The following BCL9 variants were observed in gnomAD, a reference collection of about 807,000 sequenced individuals.
The protein encoded by BCL9 is B-cell CLL/lymphoma 9 protein.
Under a neutral mutation model 88.5 loss-of-function variants are expected in BCL9, and 25 were observed. The ratio of observed to expected loss-of-function variants is 0.28; its 90% CI spans 0.21 to 0.39. BCL9 has a LOEUF of 0.39. BCL9 is among the 10% of genes least tolerant of loss of function. BCL9 has a pLI of 1.00. For missense variants in BCL9, 1,817 were observed against 1,877.8 expected, an observed-to-expected ratio of 0.97 and a Z score of 0.60; for synonymous variants, 711 against 673.3, an observed-to-expected ratio of 1.06 and a Z score of -0.87.
chr1:147,582,594 T>C (rs1013305430), intron 1 of BCL9, among the ~76,000 whole-genome samples: 9 of 152,192 alleles, frequency 5.9e-5, no homozygotes, highest in Non-Finnish European at 1.3e-4. Flanking sequence ...GCCTATGAGC[T>C]AAGAATGGTT....
intron 1 of BCL9, among the ~76,000 whole-genome samples, chr1:147,584,156 T>C (rs1434195824): frequency 2.6e-5 from 4 of 151,872 alleles, no homozygotes; most frequent in African/African-American, 9.7e-5. Flanking sequence ...CAAGTGATTC[T>C]CCTGCCTCAG....
At position 147,619,832 on chromosome 1, in the gene BCL9, G is replaced by C. The variant is rs1296449689; in HGVS notation, c.1677G>C (p.Gln559His). ...CCCACCCCAACATGCCAGGGAGCCAGATGCGCCTCCCTGGATTTGCAGGCA... is the reference window on the plus strand; with the variant it reads ...CCCACCCCAACATGCCAGGGAGCCACATGCGCCTCCCTGGATTTGCAGGCA... ...MAPHPNMPGS[Q>H]MRLPGFAGMI... The change falls in exon 8 of 10, where the codon CAG (glutamine) becomes CAC (histidine). Residue 559 changes from glutamine (Q) to histidine (H), a missense_variant. Around this residue, in one of 2 missense-constraint regions of BCL9, gnomAD observed 1,228 missense variants for 1,191.6 expected, o/e 1.03. Transcript: ENST00000234739. The surrounding 1 kb of genome is among the most constrained non-coding windows in gnomAD (Gnocchi z 4.1). 1 of 1,614,198 alleles carries C rather than the reference G, an allele frequency of 6.2e-7. No individual in the cohort carries two copies. The highest frequency in any genetic ancestry group is 8.5e-7 in the Non-Finnish European group (1 of 1,180,036).
At chr1:147,547,808 TG>T (rs1654671676) in intron 1 of BCL9, among the ~76,000 whole-genome samples, 1 of 152,208 alleles carries the variant, frequency 6.6e-6, no homozygotes, top group Non-Finnish European at 1.5e-5. Flanking sequence ...AACCTAAGAA[TG>T]TACTCTGTAG....
At chr1:147,611,111 G>C (rs1657979333) in intron 3 of BCL9, among the ~76,000 whole-genome samples, 1 of 152,054 alleles carries the variant, frequency 6.6e-6, no homozygotes, top group African/African-American at 2.4e-5. Context: ...TTTGCATCAT[G>C]GTTTGAAATT....
At chr1:147,560,431 A>T (rs1258260977) in intron 1 of BCL9, among the ~76,000 whole-genome samples, 2 of 151,742 alleles carry the variant, frequency 1.3e-5, no homozygotes, top group African/African-American at 4.8e-5. Flanking sequence ...CTCTACTAAA[A>T]ATACAAAAAT....
intron 1 of BCL9, among the ~76,000 whole-genome samples, chr1:147,551,785 A>T (rs1468647692): frequency 6.6e-6 from 1 of 152,124 alleles, no homozygotes; most frequent in African/African-American, 2.4e-5. Flanking sequence ...GACTTTCCAG[A>T]CTCTAGCAAA....
chr1:147,579,966 G>A (rs1656288774), intron 1 of BCL9, among the ~76,000 whole-genome samples: 1 of 152,178 alleles, frequency 6.6e-6, no homozygotes, highest in South Asian at 2.1e-4. Context: ...CTCTTAGAAA[G>A]CAAAAACAAG....
At chr1:147,589,908 C>T (rs758909131) in intron 1 of BCL9, among the ~76,000 whole-genome samples, 83 of 152,268 alleles carry the variant, frequency 5.5e-4, no homozygotes, top group Non-Finnish European at 9.9e-4. Context: ...TAACAAACTG[C>T]TAAACTGTTT....
At chr1:147,571,594 G>T (rs1655890271) in intron 1 of BCL9, among the ~76,000 whole-genome samples, 1 of 152,062 alleles carries the variant, frequency 6.6e-6, no homozygotes, top group African/African-American at 2.4e-5. Flanking sequence ...TTCCTCAAAT[G>T]GTGAAAAAGC....
At chr1:147,584,301 C>T (rs918855986) in intron 1 of BCL9, among the ~76,000 whole-genome samples, 3 of 152,190 alleles carry the variant, frequency 2.0e-5, no homozygotes, top group Non-Finnish European at 4.4e-5. Flanking sequence ...CCCTCCTGGA[C>T]TTCCCAAAGT....
chr1:147,547,000 G>GT (rs1654635098), intron 1 of BCL9, among the ~76,000 whole-genome samples: 1 of 662 alleles, frequency 1.5e-3, no homozygotes, highest in Admixed American at 0.017. Context: ...CATAAAAATC[G>GT]TGTTTTTTTT....
At chr1:147,622,216 C>A in intron 8 of BCL9, 55 bp from the exon 9 acceptor site, 1 of 1,606,336 alleles carries the variant, frequency 6.2e-7, no homozygotes, top group Non-Finnish European at 8.5e-7. Context: ...GGCCCAATAC[C>A]CTTCAAAAGG....
chr1:147,576,903 AATCT>A (rs1656137019), intron 1 of BCL9, among the ~76,000 whole-genome samples: 1 of 152,144 alleles, frequency 6.6e-6, no homozygotes, highest in Non-Finnish European at 1.5e-5. Context: ...AGGTTTGCAG[AATCT>A]ATCCGTTATC....
intron 1 of BCL9, among the ~76,000 whole-genome samples, chr1:147,581,348 T>C (rs1553198625): frequency 1.3e-5 from 2 of 152,238 alleles, no homozygotes; most frequent in African/African-American, 2.4e-5. Context: ...ATAGCTGAAC[T>C]CCGCTTAAGG....
chr1:147,620,364 A>T lies in BCL9; in HGVS notation c.2209A>T (p.Met737Leu). 1.2e-6 allele frequency: 2 copies of T among 1,614,194 alleles called. No homozygotes were observed. The highest frequency in any genetic ancestry group is 1.7e-6 in the Non-Finnish European group (2 of 1,180,028). Residue 737 changes from methionine to leucine, a missense_variant, in exon 8 of 10, where the codon ATG becomes TTG. Met to Leu is a conservative substitution (Grantham distance 15, BLOSUM62 2). Coordinates refer to ENST00000234739, the MANE Select transcript of BCL9 (RefSeq NM_004326.4). The stretch of plus-strand genomic sequence containing the variant: ...CAACTCTCAGATGATACCTCAGAAG[A>T]TGAGAGAGGCTGGGGCGGGCCCTGA... The part of the protein sequence containing the change: ...GSNSQMIPQK[M>L]REAGAGPEEM...
At chr1:147,617,085 A>C (rs1658319973) in intron 7 of BCL9, among the ~76,000 whole-genome samples, 1 of 152,224 alleles carries the variant, frequency 6.6e-6, no homozygotes. Context: ...AGGCCTTCCT[A>C]AACTTAGAAA....
Position 147,541,524 on chromosome 1 carries a change from C to T in BCL9, c.-628C>T, listed in dbSNP as rs1442717336. 6.6e-6 allele frequency: 1 copy of T among 152,208 alleles called. No individual in the cohort carries two copies. The highest frequency in any genetic ancestry group is 2.4e-5 in the African/African-American group (1 of 41,384). 9.4% of individuals were successfully genotyped at this position (152,208 alleles called of 1,614,324 possible). On this transcript the variant is annotated 5_prime_UTR_variant, in exon 1 of 10. Coordinates refer to ENST00000234739, the MANE Select transcript of BCL9 (RefSeq NM_004326.4). ...TCAGACCAGAGCAGACAATAGGCCC[C>T]TAAAGTGTTCCCCCTAAGTTGCTTT...
chr1:147,591,435 C>T (rs190041422), intron 1 of BCL9, among the ~76,000 whole-genome samples: 1 of 152,252 alleles, frequency 6.6e-6, no homozygotes, highest in Non-Finnish European at 1.5e-5. Context: ...ACACATGACT[C>T]AGCACAGTTA....
At position 147,620,134 on chromosome 1, in the gene BCL9, G is replaced by A; in HGVS notation, c.1979G>A (p.Arg660Lys). The change falls in exon 8 of 10, where the codon AGG becomes AAG. Residue 660 changes from arginine to lysine, a missense_variant. Arg to Lys is a conservative substitution (Grantham distance 26). Transcript: ENST00000234739. ...ATCAGGCCCAGCATGGAGATGAACA[G>A]GATGATTCCAGGCTCCCAGCGCCAC... ...EGIRPSMEMN[R>K]MIPGSQRHME... 1 of 1,614,186 alleles carries A rather than the reference G, an allele frequency of 6.2e-7. No homozygotes were observed. The highest frequency in any genetic ancestry group is 1.3e-5 in the African/African-American group (1 of 75,036).
Sources: allele counts gnomAD v4.1 joint callset (sites outside exome capture counted in the v4.1 genomes callset), GRCh38; gene constraint gnomAD v4.1.1; regional missense constraint gnomAD v4.1.1; non-coding constraint Gnocchi (gnomAD v3.1); transcripts MANE v1.5; gene names NCBI Gene and HGNC (gene_info 2026-07-23, HGNC 2026-07-21).